Variants in ZFHX2 observed in about 807,000 individuals in gnomAD.
ZFHX2 encodes zinc finger homeobox protein 2.
ZFHX2 carries 75 observed loss-of-function variants against 164.8 expected under a neutral mutation model. The ratio of observed to expected loss-of-function variants is 0.46; its 90% CI spans 0.38 to 0.55. The LOEUF (loss-of-function observed/expected upper bound fraction) is 0.55. Among genes scored for constraint, ZFHX2 ranks in the 20% least tolerant of loss-of-function variants. The pLI, the probability that ZFHX2 is intolerant of heterozygous loss-of-function variation, is 0.00. For missense variants in ZFHX2, 2,933 were observed against 3,308.0 expected (o/e 0.89, Z 2.78); for synonymous variants, 1,217 against 1,351.4 (o/e 0.90, Z 2.18).
rs1595138742 is a variant in ZFHX2 at position 23,525,390 on chromosome 14, G to A, written c.4552C>T (p.Gln1518Ter). 6.5e-7 allele frequency: 1 copy of A among 1,536,002 alleles called. No homozygotes were observed. Among genetic ancestry groups the A allele is most frequent in the Non-Finnish European group, 8.7e-7 (1 of 1,146,930 alleles). ...AGGCTGTCATAGCTCTTTCGAAACT[G>A]AGCAGCATAACGGCTCAGGGCTTCA... ...PFEALSRYAA[Q>*]FRKSYDSLYP... is the part of the protein sequence containing the mutation. Residue 1518 changes from glutamine to a stop codon, truncating the protein, a stop_gained, in exon 9 of 10, where the codon CAG (glutamine) becomes TAG (stop). Transcript: ENST00000419474. LOFTEE classifies it high-confidence loss of function. This position sits in a 1 kb window ranked among gnomAD's most constrained non-coding sequence, Gnocchi z 5.9.
Position 23,532,960 on chromosome 14 carries a change from T to A in ZFHX2, c.2166A>T (p.Leu722=). The change falls in exon 3 of 10, where the codon CTA becomes CTT. Residue 722 remains leucine (L), a synonymous_variant. Coordinates refer to ENST00000419474, the MANE Select transcript of ZFHX2 (RefSeq NM_033400.3). ...TGTCTGTGCTGAAGGCCTGGCACACTAGGCAGCGGAACACCTTCAGGGACA... is the reference window on the plus strand; with the variant it reads ...TGTCTGTGCTGAAGGCCTGGCACACAAGGCAGCGGAACACCTTCAGGGACA... The part of the protein sequence containing the change: ...DSLSLKVFRC[L]VCQAFSTDSL... 6.5e-7 allele frequency: 1 copy of A among 1,536,160 alleles called. No homozygotes were observed. Among genetic ancestry groups the A allele is most frequent in the Non-Finnish European group, 8.7e-7 (1 of 1,146,890 alleles).
rs1159520166 is a variant in ZFHX2, at chr14:23,533,141, C to T, written c.2042-57G>A. Reference sequence around the variant, plus strand: ...AAAGAAATGGGGCACGGTTGGTTCTCTATGTGGGGAGGTGGGTTAATGAGT... The same window carrying T: ...AAAGAAATGGGGCACGGTTGGTTCTTTATGTGGGGAGGTGGGTTAATGAGT... On this transcript the variant is annotated intron_variant, in intron 2 of 9. Coordinates refer to ENST00000419474, the MANE Select transcript of ZFHX2 (RefSeq NM_033400.3). The surrounding 1 kb of genome is among the most constrained non-coding windows in gnomAD (Gnocchi z 4.8). 14 of 1,465,056 alleles carry T rather than the reference C, an allele frequency of 9.6e-6. No homozygotes were observed. The highest frequency in any genetic ancestry group is 2.8e-5 in the African/African-American group (2 of 70,846). The allele number at this position is 1,465,056 out of a possible 1,614,324, so 90.8% of individuals were successfully genotyped here. A position where few individuals can be genotyped will look rare whatever the true frequency, so the allele number is the denominator to read the frequency against.
At chr14:23,538,123 A>C (rs1013692469) in intron 1 of ZFHX2, 2 of 152,248 alleles carry the variant, frequency 1.3e-5, no homozygotes, top group African/African-American at 4.8e-5. Flanking sequence ...CTGGAAAAAG[A>C]CATAGCTGAT....
In ZFHX2 at chr14:23,531,679, C is replaced by T; in HGVS notation, c.2602G>A (p.Gly868Arg). Reference protein sequence around the residue: ...MEGAEAGAELGLYHCLLCAWE... With the variant: ...MEGAEAGAELRLYHCLLCAWE... ...GCACACAACAGGCAGTGGTATAGCCCCAGCTCTGCCCCTGCCTCCGCTCCC... is the reference window on the plus strand; with the variant it reads ...GCACACAACAGGCAGTGGTATAGCCTCAGCTCTGCCCCTGCCTCCGCTCCC... The change falls in exon 4 of 10, where the codon GGG (glycine) becomes AGG (arginine). Residue 868 changes from glycine (G) to arginine (R), a missense_variant. Physicochemically the swap from Gly to Arg is moderately radical, Grantham distance 125. Coordinates refer to ENST00000419474, the MANE Select transcript of ZFHX2 (RefSeq NM_033400.3). 2 of 1,416,768 alleles carry T rather than the reference C, an allele frequency of 1.4e-6. No homozygotes were observed. The highest frequency in any genetic ancestry group is 3.1e-5 in the South Asian group (2 of 64,972). 87.8% of individuals were successfully genotyped at this position (1,416,768 alleles called of 1,614,324 possible). A position where few individuals can be genotyped will look rare whatever the true frequency, so the allele number is the denominator to read the frequency against.
At chr14:23,529,417 C>T in intron 6 of ZFHX2, 2 of 372,762 alleles carry the variant, frequency 5.4e-6, no homozygotes, top group Non-Finnish European at 5.0e-6. Context: ...CCCCTCCTTC[C>T]AGCATGTACC....
In ZFHX2 at chr14:23,532,694, G is replaced by C; in HGVS notation, c.2432C>G (p.Ala811Gly). ...TPSPASLGDG[A>G]PYGSVSPLHL... ...TAGTGGGGAGACAGACCCATAAGGAGCCCCATCTCCCAGGGATGCTGGGGA... is the reference window on the plus strand; with the variant it reads ...TAGTGGGGAGACAGACCCATAAGGACCCCCATCTCCCAGGGATGCTGGGGA... The change falls in exon 3 of 10, where the codon GCT (alanine) becomes GGT (glycine). Residue 811 changes from alanine (A) to glycine (G), a missense_variant. Coordinates refer to ENST00000419474, the MANE Select transcript of ZFHX2 (RefSeq NM_033400.3). The C allele has an allele frequency of 2.6e-6, 4 of 1,530,720 alleles. No homozygotes were observed. Among genetic ancestry groups the C allele is most frequent in the African/African-American group, 2.7e-5 (2 of 73,122 alleles). The allele number at this position is 1,530,720 out of a possible 1,614,324, so 94.8% of individuals were successfully genotyped here.
chr14:23,533,924 G>C lies in ZFHX2; in HGVS notation c.1402C>G (p.Leu468Val), dbSNP rs886446330. 1 of 1,538,094 alleles carries C rather than the reference G, an allele frequency of 6.5e-7. No homozygotes were observed. Among genetic ancestry groups the C allele is most frequent in the Admixed American group, 2.0e-5 (1 of 51,026 alleles). The change falls in exon 2 of 10, where the codon CTG becomes GTG. Residue 468 changes from leucine to valine, a missense_variant. Physicochemically the swap from Leu to Val is conservative, Grantham distance 32. Transcript: ENST00000419474. The surrounding 1 kb of genome is among the most constrained non-coding windows in gnomAD (Gnocchi z 4.8). The stretch of plus-strand genomic sequence containing the variant: ...TGCTTCTCTCGCATGTGCACATCCA[G>C]GGTCTGCTGGTACTTGTAGTGCCAG... ...CNWHYKYQQT[L>V]DVHMREKHPE...
chr14:23,525,158 C>T lies in ZFHX2; in HGVS notation c.4784G>A (p.Arg1595His), dbSNP rs543843286. The change falls in exon 9 of 10, where the codon CGC (arginine) becomes CAC (histidine). Residue 1595 changes from arginine to histidine, a missense_variant. By Grantham distance (29) the Arg-to-His change is conservative. Coordinates refer to ENST00000419474, the MANE Select transcript of ZFHX2 (RefSeq NM_033400.3). This position sits in a 1 kb window ranked among gnomAD's most constrained non-coding sequence, Gnocchi z 5.9. ...GNLPPLVPAGRRFSRTKFTEF... is the reference protein window; with the variant it reads ...GNLPPLVPAGHRFSRTKFTEF... ...TGTGAACTTGGTTCTGGAGAACCGG[C>T]GGCCGGCAGGCACCAGGGGAGGAAG... is the stretch of plus-strand genomic sequence containing the variant. The T allele has an allele frequency of 5.1e-5, 79 of 1,536,128 alleles. No individual in the cohort carries two copies. Among genetic ancestry groups the T allele is most frequent in the Admixed American group, 5.9e-5 (3 of 50,998 alleles).
At chr14:23,540,748 A>G (rs1880708278) in intron 1 of ZFHX2, among the ~76,000 whole-genome samples, 1 of 152,164 alleles carries the variant, frequency 6.6e-6, no homozygotes. Flanking sequence ...TTCCTTACTC[A>G]GTTGTGAAGA....
chr14:23,544,829 T>G (rs1881214911), intron 1 of ZFHX2, among the ~76,000 whole-genome samples: 1 of 152,168 alleles, frequency 6.6e-6, no homozygotes, highest in Non-Finnish European at 1.5e-5. Context: ...GTTCTTTCCC[T>G]CCGGCTCGCC....
intron 6 of ZFHX2, among the ~76,000 whole-genome samples, chr14:23,529,233 G>C (rs1010677002): frequency 1.3e-5 from 2 of 152,230 alleles, no homozygotes; most frequent in African/African-American, 4.8e-5. Context: ...GGCACATGCT[G>C]TCAGTGTGAA....
At position 23,524,681 on chromosome 14, in the gene ZFHX2, C is replaced by T; in HGVS notation, c.5261G>A (p.Gly1754Asp). The T allele has an allele frequency of 6.5e-7, 1 of 1,536,276 alleles. No homozygotes were observed. Among genetic ancestry groups the T allele is most frequent in the South Asian group, 1.2e-5 (1 of 84,060 alleles). ...LSQAEATKAGGKEPEEKATPS... is the reference protein window; with the variant it reads ...LSQAEATKAGDKEPEEKATPS... ...AGTAGCCTTCTCTTCAGGCTCTTTG[C>T]CTCCTGCCTTTGTTGCCTCTGCTTG... The change falls in exon 9 of 10, where the codon GGC becomes GAC. Residue 1754 changes from glycine (G) to aspartate (D), a missense_variant. Transcript: ENST00000419474. The surrounding 1 kb of genome is among the most constrained non-coding windows in gnomAD (Gnocchi z 5.6).
chr14:23,527,080 C>T, intron 7 of ZFHX2, 107 bp from the exon 8 acceptor site: 1 of 1,386,038 alleles, frequency 7.2e-7, no homozygotes, highest in Non-Finnish European at 9.3e-7. Flanking sequence ...TCCCTTGCCA[C>T]AGATCCAGCC....
intron 3 of ZFHX2, chr14:23,532,255 A>T (rs1879666368): frequency 1.1e-5 from 3 of 265,224 alleles, no homozygotes; most frequent in Admixed American, 9.9e-5. Flanking sequence ...CAGCATGCAA[A>T]TGGAGTCTGG....
Position 23,533,491 on chromosome 14 carries a change from A to C in ZFHX2, c.1835T>G (p.Leu612Trp). 6.5e-7 allele frequency: 1 copy of C among 1,536,042 alleles called. No individual in the cohort carries two copies. Among genetic ancestry groups the C allele is most frequent in the African/African-American group, 1.4e-5 (1 of 73,140 alleles). Residue 612 changes from leucine (L) to tryptophan (W), a missense_variant, in exon 2 of 10, where the codon TTG (leucine) becomes TGG (tryptophan). By Grantham distance (61) the Leu-to-Trp change is moderately conservative (BLOSUM62 -2). Transcript: ENST00000419474. The surrounding 1 kb of genome is among the most constrained non-coding windows in gnomAD (Gnocchi z 4.8). ...QGLPLGLPPG[L>W]MGPGPPPPPG... is the part of the protein sequence containing the mutation. ...TGGGGGAGGAGGGCCTGGCCCCATC[A>C]ATCCAGGTGGCAGGCCCAGCGGCAG... is the stretch of plus-strand genomic sequence containing the variant.
At position 23,535,893 on chromosome 14, in the gene ZFHX2, A is replaced by G. The variant is rs1880088307; in HGVS notation, c.-49-519T>C. Among the ~76,000 whole-genome samples the G allele has an allele frequency of 6.6e-6, 1 of 152,154 alleles. No individual in the cohort carries two copies. The highest frequency in any genetic ancestry group is 6.6e-5 in the Admixed American group (1 of 15,266). On this transcript the variant is annotated intron_variant, in intron 1 of 9. Coordinates refer to ENST00000419474, the MANE Select transcript of ZFHX2 (RefSeq NM_033400.3). This position sits in a 1 kb window ranked among gnomAD's most constrained non-coding sequence, Gnocchi z 4.5. ...AGGCGTGAGCCACCGCGCCCAGCCT[A>G]GAACTCTTTATTTGTCCCCTGAACC...
rs1230898485 is a variant in ZFHX2, at chr14:23,520,999, T to C, written c.*963A>G. On this transcript the variant is annotated 3_prime_UTR_variant, in exon 10 of 10. Coordinates refer to ENST00000419474, the MANE Select transcript of ZFHX2 (RefSeq NM_033400.3). The surrounding 1 kb of genome is among the most constrained non-coding windows in gnomAD (Gnocchi z 8.7). Reference sequence around the variant, plus strand: ...TCGCTCTTGCTTTTTTGGTTGTGTTTCAGTTTTTTTTTTTGAAAGAACTTT... The same window carrying C: ...TCGCTCTTGCTTTTTTGGTTGTGTTCCAGTTTTTTTTTTTGAAAGAACTTT... 2 of 152,086 alleles carry C rather than the reference T, an allele frequency of 1.3e-5. No individual in the cohort carries two copies. The highest frequency in any genetic ancestry group is 2.9e-5 in the Non-Finnish European group (2 of 68,024). The allele number at this position is 152,086 out of a possible 1,614,324, so 9.4% of individuals were successfully genotyped here. A position where few individuals can be genotyped will look rare whatever the true frequency, so the allele number is the denominator to read the frequency against.
chr14:23,535,033 T>A lies in ZFHX2; in HGVS notation c.293A>T (p.Gln98Leu). 6.5e-7 allele frequency: 1 copy of A among 1,536,228 alleles called. No homozygotes were observed. Residue 98 changes from glutamine (Q) to leucine (L), a missense_variant, in exon 2 of 10, where the codon CAG becomes CTG. By Grantham distance (113) the Gln-to-Leu change is moderately radical (BLOSUM62 -2). Coordinates refer to ENST00000419474, the MANE Select transcript of ZFHX2 (RefSeq NM_033400.3). The surrounding 1 kb of genome is among the most constrained non-coding windows in gnomAD (Gnocchi z 4.5). ...AGGGAGCCCTTCTTCTTCCTCCTCC[T>A]GCTCCTTGTCCTTTTCCACCCCTGG... ...NDPGVEKDKE[Q>L]EEEEEGLPPM...
rs1485115518 is a variant in ZFHX2, at chr14:23,524,072, T to A, written c.5870A>T (p.Glu1957Val). ...AGCAGGTGCTTCCCTCTTTGGGGCT[T>A]CCCTCCCAGTGCCATCATCTACCTT... is the stretch of plus-strand genomic sequence containing the variant. ...LGKVDDGTGR[E>V]APKREAPAFP... The change falls in exon 9 of 10, where the codon GAA becomes GTA. Residue 1957 changes from glutamate to valine, a missense_variant. Glu to Val is a moderately radical substitution (Grantham distance 121). Transcript: ENST00000419474. The surrounding 1 kb of genome is among the most constrained non-coding windows in gnomAD (Gnocchi z 5.6). 6 of 1,521,738 alleles carry A rather than the reference T, an allele frequency of 3.9e-6. No individual in the cohort carries two copies. The highest frequency in any genetic ancestry group is 4.4e-6 in the Non-Finnish European group (5 of 1,138,956). The allele number at this position is 1,521,738 out of a possible 1,614,324, so 94.3% of individuals were successfully genotyped here.
Sources: gnomAD v4.1 joint callset for allele counts (sites outside exome capture counted in the v4.1 genomes callset) on GRCh38, gnomAD v4.1.1 for gene constraint, Gnocchi (gnomAD v3.1) non-coding constraint, MANE v1.5 for transcripts, NCBI Gene and HGNC (gene_info 2026-07-23, HGNC 2026-07-21) for gene names.